ZNF638: variants seen among roughly 807,000 people sequenced by gnomAD.
The protein encoded by ZNF638 is CTCL tumor antigen se33-1.
In ZNF638, 46 loss-of-function variants were observed where a neutral mutation model predicts 195.6. The observed-to-expected ratio is 0.24, with a 90% CI of 0.19 to 0.30. The LOEUF is 0.30. ZNF638 is among the 10% of genes least tolerant of loss of function. The pLI, the probability that ZNF638 is intolerant of heterozygous loss-of-function variation, is 1.00. For missense variants in ZNF638, 2,440 were observed against 2,325.3 expected, an observed-to-expected ratio of 1.05 and a Z score of -1.01; for synonymous variants, 845 against 772.0, an observed-to-expected ratio of 1.09 and a Z score of -1.57.
intron 21 of ZNF638, among the ~76,000 whole-genome samples, chr2:71,422,595 T>C (rs12611888): frequency 0.097 from 14,711 of 152,160 alleles, 1,401 homozygotes; most frequent in East Asian, 0.55. Context: ...AAGGAACATA[T>C]CAACAGTCAT....
chr2:71,367,199 A>G (rs943239821), intron 6 of ZNF638, among the ~76,000 whole-genome samples: 30 of 151,288 alleles, frequency 2.0e-4, no homozygotes, highest in Middle Eastern at 3.4e-3. Flanking sequence ...AGTTCTTTTC[A>G]TTTTGTTTCA....
chr2:71,384,801 G>C (rs2079604965), intron 10 of ZNF638, among the ~76,000 whole-genome samples: 1 of 152,074 alleles, frequency 6.6e-6, no homozygotes, highest in Non-Finnish European at 1.5e-5. Context: ...AAGTATAAAA[G>C]TAATGAATGT....
intron 8 of ZNF638, among the ~76,000 whole-genome samples, chr2:71,378,184 T>TA (rs1284899003): frequency 6.6e-6 from 1 of 152,222 alleles, no homozygotes; most frequent in African/African-American, 2.4e-5. Flanking sequence ...AAATATCACT[T>TA]AAAATTACCA....
At chr2:71,360,245 A>G (rs2079086240) in intron 3 of ZNF638, among the ~76,000 whole-genome samples, 1 of 152,216 alleles carries the variant, frequency 6.6e-6, no homozygotes, top group Non-Finnish European at 1.5e-5. Flanking sequence ...TATTTGCTTT[A>G]TTATATCTTC....
At chr2:71,378,815 A>G (rs1188770985) in intron 8 of ZNF638, among the ~76,000 whole-genome samples, 9 of 152,232 alleles carry the variant, frequency 5.9e-5, no homozygotes, top group Non-Finnish European at 8.8e-5. Flanking sequence ...GATTGAGAGC[A>G]TTCCAGACAG....
At chr2:71,434,446 T>C (rs1384137607) in intron 27 of ZNF638, among the ~76,000 whole-genome samples, 3 of 152,182 alleles carry the variant, frequency 2.0e-5, no homozygotes, top group Non-Finnish European at 4.4e-5. Flanking sequence ...CCCCAAAGTA[T>C]TTTATTTTTT....
chr2:71,377,301 A>G (rs1288936752), intron 8 of ZNF638, among the ~76,000 whole-genome samples: 1 of 152,144 alleles, frequency 6.6e-6, no homozygotes, highest in African/African-American at 2.4e-5. Context: ...ATTTCTAATA[A>G]AACGCTTTCA....
intron 1 of ZNF638, among the ~76,000 whole-genome samples, chr2:71,348,074 G>A (rs527769759): frequency 2.6e-5 from 4 of 152,226 alleles, no homozygotes; most frequent in South Asian, 2.1e-4. Context: ...TCCATACTGC[G>A]TCTATGGATG....
intron 1 of ZNF638, among the ~76,000 whole-genome samples, chr2:71,347,720 G>C (rs1261365411): frequency 6.6e-6 from 1 of 152,212 alleles, no homozygotes; most frequent in Admixed American, 6.5e-5. Context: ...TGTTTTCTGA[G>C]AAGAGTGTTG....
intron 12 of ZNF638, among the ~76,000 whole-genome samples, chr2:71,399,038 T>C (rs1043374812): frequency 5.3e-5 from 8 of 152,196 alleles, no homozygotes; most frequent in South Asian, 2.1e-4. Flanking sequence ...TTTCCCTCCA[T>C]AAATGGTTTA....
At chr2:71,372,469 C>G (rs548121737) in intron 8 of ZNF638, among the ~76,000 whole-genome samples, 80 of 152,276 alleles carry the variant, frequency 5.3e-4, no homozygotes, top group African/African-American at 1.9e-3. Context: ...ACTGCGCTGT[C>G]CCTTCCTAAA....
chr2:71,350,123 C>T lies in ZNF638; in HGVS notation c.1169C>T (p.Ala390Val). 1.2e-6 allele frequency: 2 copies of T among 1,614,078 alleles called. No homozygotes were observed. Among genetic ancestry groups the T allele is most frequent in the Non-Finnish European group, 1.7e-6 (2 of 1,180,034 alleles). Residue 390 changes from alanine to valine, a missense_variant, in exon 2 of 28, where the codon GCA (alanine) becomes GTA (valine). Transcript: ENST00000264447. ...PIRSPFGIVKASWLPKFSHAD... is the reference protein window; with the variant it reads ...PIRSPFGIVKVSWLPKFSHAD... ...CGGTCTCCCTTTGGTATTGTGAAAGCATCCTGGCTACCAAAGTTTTCACAT... is the reference window on the plus strand; with the variant it reads ...CGGTCTCCCTTTGGTATTGTGAAAGTATCCTGGCTACCAAAGTTTTCACAT...
chr2:71,349,826 C>G lies in ZNF638; in HGVS notation c.872C>G (p.Thr291Ser). 4 of 1,614,176 alleles carry G rather than the reference C, an allele frequency of 2.5e-6. No homozygotes were observed. The highest frequency in any genetic ancestry group is 2.5e-6 in the Non-Finnish European group (3 of 1,180,026). ...NRSFFSVESG[T>S]KMSGLHISGG... ...TCCTTTTTCTCAGTTGAGAGTGGAA[C>G]CAAGATGTCAGGCTTACACATTTCA... is the stretch of plus-strand genomic sequence containing the variant. Residue 291 changes from threonine to serine, a missense_variant, in exon 2 of 28, where the codon ACC (threonine) becomes AGC (serine). Coordinates refer to ENST00000264447, the MANE Select transcript of ZNF638 (RefSeq NM_014497.5).
intron 6 of ZNF638, among the ~76,000 whole-genome samples, chr2:71,366,376 AT>A (rs1272299263): frequency 2.0e-5 from 3 of 150,540 alleles, no homozygotes; most frequent in Non-Finnish European, 3.0e-5. Context: ...AAAAAAAAAA[AT>A]GAAGTTGTCT....
At chr2:71,409,631 T>G (rs1573138893) in intron 20 of ZNF638, among the ~76,000 whole-genome samples, 2 of 152,282 alleles carry the variant, frequency 1.3e-5, no homozygotes, top group South Asian at 4.1e-4. Flanking sequence ...GTAGGTAGAT[T>G]ATGGTTTTCT....
At chr2:71,432,959 C>T (rs2080696690) in intron 26 of ZNF638, among the ~76,000 whole-genome samples, 1 of 152,186 alleles carries the variant, frequency 6.6e-6, no homozygotes, top group African/African-American at 2.4e-5. Context: ...CGGTGGCGCA[C>T]ACCTGTAATC....
At chr2:71,400,878 T>C (rs866465934) in intron 15 of ZNF638, among the ~76,000 whole-genome samples, 8 of 152,152 alleles carry the variant, frequency 5.3e-5, no homozygotes, top group Admixed American at 1.3e-4. Context: ...ATGGGAGATA[T>C]GTTAATGGTT....
chr2:71,426,613 AAAAAGGGG>A lies in ZNF638; in HGVS notation c.4749_4756del (p.Lys1583AsnfsTer8). On this transcript the variant is annotated frameshift_variant, in exon 24 of 28. Coordinates refer to ENST00000264447, the MANE Select transcript of ZNF638 (RefSeq NM_014497.5). LOFTEE classifies it high-confidence loss of function. ...TTTCTCTGAACTTAACTTAAAGAAGAAAAAGGGGAAAACTTCCACTCCTCGTGGTGTTG... is the reference window on the plus strand; with the variant it reads ...TTTCTCTGAACTTAACTTAAAGAAGAAAAACTTCCACTCCTCGTGGTGTTG... The A allele has an allele frequency of 6.2e-7, 1 of 1,614,150 alleles. No homozygotes were observed. Among genetic ancestry groups the A allele is most frequent in the Non-Finnish European group, 8.5e-7 (1 of 1,180,012 alleles).
At chr2:71,406,694 A>G (rs1478511100) in intron 19 of ZNF638, among the ~76,000 whole-genome samples, 1 of 152,156 alleles carries the variant, frequency 6.6e-6, no homozygotes, top group Non-Finnish European at 1.5e-5. Flanking sequence ...GTTTGTTTAT[A>G]TGGAAAGAGA....
Sources: allele counts gnomAD v4.1 joint callset (sites outside exome capture counted in the v4.1 genomes callset), GRCh38; gene constraint gnomAD v4.1.1; transcripts MANE v1.5; gene names NCBI Gene and HGNC (gene_info 2026-07-23, HGNC 2026-07-21).